NALF1: variants seen among roughly 807,000 people sequenced by gnomAD.
The protein encoded by NALF1 is family with sequence similarity 155 member A.
A neutral mutation model predicts 48.4 loss-of-function variants in NALF1; 3 were observed. The observed-to-expected ratio is 0.06, with a 90% CI of 0.03 to 0.16. NALF1 has a LOEUF of 0.16. Among genes scored for constraint, NALF1 ranks in the 10% least tolerant of loss-of-function variants. The pLI, the probability that NALF1 is intolerant of heterozygous loss-of-function variation, is 1.00. For missense variants in NALF1, 526 were observed against 571.5 expected (o/e 0.92, Z 0.81); for synonymous variants, 262 against 245.7 (o/e 1.07, Z -0.62).
At chr13:107,670,998 G>A (rs1167732952) in intron 1 of NALF1, among the ~76,000 whole-genome samples, 1 of 151,994 alleles carries the variant, frequency 6.6e-6, no homozygotes, top group Non-Finnish European at 1.5e-5. Context: ...TTTTAATTCT[G>A]TCACTTTGAA....
At chr13:107,375,957 C>CACACAG (rs970294685) in intron 1 of NALF1, among the ~76,000 whole-genome samples, 10 of 151,924 alleles carry the variant, frequency 6.6e-5, no homozygotes, top group African/African-American at 2.4e-4. Context: ...CACACACACA[C>CACACAG]AGAATGATGA....
At chr13:107,428,304 G>C (rs528567226) in intron 1 of NALF1, among the ~76,000 whole-genome samples, 1 of 152,164 alleles carries the variant, frequency 6.6e-6, no homozygotes, top group Non-Finnish European at 1.5e-5. Context: ...CCTCATGCCC[G>C]AGGTTGCACT....
At chr13:107,823,125 A>G (rs186921518) in intron 1 of NALF1, among the ~76,000 whole-genome samples, 2 of 152,342 alleles carry the variant, frequency 1.3e-5, no homozygotes, top group African/African-American at 4.8e-5. Context: ...TTTCCTCATC[A>G]GTATCTACCT....
At chr13:107,329,991 A>C (rs183029960) in intron 1 of NALF1, among the ~76,000 whole-genome samples, 12 of 152,276 alleles carry the variant, frequency 7.9e-5, no homozygotes, top group Admixed American at 7.2e-4. Context: ...TGTGCGAATG[A>C]AACACTCGAT....
chr13:107,863,756 A>T (rs1880639346), intron 1 of NALF1, among the ~76,000 whole-genome samples: 1 of 152,208 alleles, frequency 6.6e-6, no homozygotes, highest in Non-Finnish European at 1.5e-5. Context: ...TATGTAAATG[A>T]TGTAAATATA....
intron 1 of NALF1, among the ~76,000 whole-genome samples, chr13:107,710,483 A>G (rs943785129): frequency 3.3e-5 from 5 of 150,698 alleles, no homozygotes; most frequent in Non-Finnish European, 7.4e-5. Context: ...AAGAGGTTTA[A>G]TTGACTCACA....
At chr13:107,418,519 C>A (rs923206161) in intron 1 of NALF1, among the ~76,000 whole-genome samples, 1 of 152,092 alleles carries the variant, frequency 6.6e-6, no homozygotes, top group Non-Finnish European at 1.5e-5. Context: ...TATTTGTACA[C>A]AACTGTAGAT....
intron 1 of NALF1, among the ~76,000 whole-genome samples, chr13:107,420,153 AT>A (rs1445524536): frequency 1.3e-5 from 2 of 152,188 alleles, no homozygotes; most frequent in African/African-American, 4.8e-5. Context: ...ACTAAAGAGA[AT>A]TCCATTTTGA....
intron 1 of NALF1, among the ~76,000 whole-genome samples, chr13:107,436,954 C>G (rs1038606806): frequency 2.6e-5 from 4 of 151,900 alleles, no homozygotes; most frequent in Non-Finnish European, 5.9e-5. Context: ...TATAAATAGC[C>G]AAGACATGAC....
rs1217561965 is a variant in NALF1 at position 107,165,069 on chromosome 13, C to T, written c.*5428G>A. The T allele has an allele frequency of 6.6e-6, 1 of 152,112 alleles. No individual in the cohort carries two copies. Among genetic ancestry groups the T allele is most frequent in the Non-Finnish European group, 1.5e-5 (1 of 68,022 alleles). The allele number at this position is 152,112 out of a possible 1,614,324, so 9.4% of individuals were successfully genotyped here. A position where few individuals can be genotyped will look rare whatever the true frequency, so the allele number is the denominator to read the frequency against. The stretch of plus-strand genomic sequence containing the variant: ...GTGTCACCTGGAGCCAAAGCTCATC[C>T]CTAAACCATGGCTTTGCCCTAAGAT... On this transcript the variant is annotated 3_prime_UTR_variant, in exon 3 of 3. Coordinates refer to ENST00000375915, the MANE Select transcript of NALF1 (RefSeq NM_001080396.3).
At chr13:107,531,457 GA>G (rs1314137355) in intron 1 of NALF1, among the ~76,000 whole-genome samples, 5 of 152,050 alleles carry the variant, frequency 3.3e-5, no homozygotes, top group African/African-American at 1.2e-4. Flanking sequence ...GCAGATGCCA[GA>G]ACCATGGGTC....
At chr13:107,691,511 C>T (rs1006302752) in intron 1 of NALF1, among the ~76,000 whole-genome samples, 30 of 152,360 alleles carry the variant, frequency 2.0e-4, no homozygotes, top group African/African-American at 7.2e-4. Context: ...AACAGGTCAT[C>T]TTCCTTCTCA....
At chr13:107,411,318 T>TTTA (rs772485060) in intron 1 of NALF1, among the ~76,000 whole-genome samples, 4 of 138,868 alleles carry the variant, frequency 2.9e-5, no homozygotes, top group Non-Finnish European at 1.6e-5. Context: ...TTTTTTTTTT[T>TTTA]AATCAAGACA....
chr13:107,749,163 T>TGC (rs1455882204), intron 1 of NALF1, among the ~76,000 whole-genome samples: 1 of 149,572 alleles, frequency 6.7e-6, no homozygotes, highest in African/African-American at 2.5e-5. Context: ...TGTGTGTGTG[T>TGC]GTCTACGTGT....
chr13:107,786,579 A>C (rs1338575476), intron 1 of NALF1, among the ~76,000 whole-genome samples: 1 of 151,134 alleles, frequency 6.6e-6, no homozygotes, highest in Non-Finnish European at 1.5e-5. Flanking sequence ...AAAAATAAAA[A>C]AAATTAGCTG....
intron 1 of NALF1, among the ~76,000 whole-genome samples, chr13:107,223,570 T>C (rs922598293): frequency 6.6e-6 from 1 of 152,186 alleles, no homozygotes; most frequent in African/African-American, 2.4e-5. Context: ...TCATGAACAA[T>C]GGTTCCATAA....
At chr13:107,179,756 C>T (rs1192624406) in intron 2 of NALF1, among the ~76,000 whole-genome samples, 1 of 151,386 alleles carries the variant, frequency 6.6e-6, no homozygotes, top group Non-Finnish European at 1.5e-5. Context: ...GGGCTATGCT[C>T]CCTCTGGGGC....
Position 107,163,856 on chromosome 13 carries a change from C to T in NALF1, c.*6641G>A, listed in dbSNP as rs950103881. On this transcript the variant is annotated 3_prime_UTR_variant, in exon 3 of 3. Coordinates refer to ENST00000375915, the MANE Select transcript of NALF1 (RefSeq NM_001080396.3). ...GCTTATCATGATATGAAAATAAATGCCATATGCAGAAAAAGGTAGAAAAAG... is the reference window on the plus strand; with the variant it reads ...GCTTATCATGATATGAAAATAAATGTCATATGCAGAAAAAGGTAGAAAAAG... 1.8e-4 allele frequency: 27 copies of T among 151,780 alleles called. 1 individual carries two copies. Among genetic ancestry groups the T allele is most frequent in the African/African-American group, 6.0e-4 (25 of 41,418 alleles). 9.4% of individuals were successfully genotyped at this position (151,780 alleles called of 1,614,324 possible).
At chr13:107,301,737 T>C (rs1881840993) in intron 1 of NALF1, among the ~76,000 whole-genome samples, 1 of 152,218 alleles carries the variant, frequency 6.6e-6, no homozygotes, top group Non-Finnish European at 1.5e-5. Context: ...ACTACTATAA[T>C]GGTCTATATT....
Sources: allele counts gnomAD v4.1 joint callset (sites outside exome capture counted in the v4.1 genomes callset), GRCh38; gene constraint gnomAD v4.1.1; transcripts MANE v1.5; gene names NCBI Gene and HGNC (gene_info 2026-07-23, HGNC 2026-07-21).